Variants in RTRAF observed in about 807,000 individuals in gnomAD.
The protein encoded by RTRAF is tRNA-splicing ligase complex subunit RTRAF.
A neutral mutation model predicts 34.4 loss-of-function variants in RTRAF; 14 were observed. That is an observed-to-expected ratio of 0.41 (90% CI 0.27 to 0.64). RTRAF has a LOEUF of 0.64. Ranked by LOEUF, RTRAF falls within the 30% of genes least tolerant of loss-of-function variation. The pLI is 0.34. For missense variants in RTRAF, 291 were observed against 288.4 expected (o/e 1.01, Z -0.06); for synonymous variants, 96 against 95.3 (o/e 1.01, Z -0.04).
chr14:52,004,775 G>A lies in RTRAF; in HGVS notation c.*259G>A. 2 of 330,012 alleles carry A rather than the reference G, an allele frequency of 6.1e-6. No homozygotes were observed. The highest frequency in any genetic ancestry group is 5.4e-6 in the Non-Finnish European group (1 of 183,578). 20.4% of individuals were successfully genotyped at this position (330,012 alleles called of 1,614,324 possible). ...GGCATATATGCCAACCCCCAGCTTT[G>A]TCCTAGAGACAATATAGATCCTTAA... On this transcript the variant is annotated 3_prime_UTR_variant, in exon 8 of 8. Transcript: ENST00000261700.
chr14:51,992,490 A>G (rs1385812140), intron 2 of RTRAF, among the ~76,000 whole-genome samples: 1 of 152,234 alleles, frequency 6.6e-6, no homozygotes, highest in Non-Finnish European at 1.5e-5. Flanking sequence ...AATTGTTCAC[A>G]GAAGTCCCTG....
chr14:51,992,883 A>G (rs1890454826), intron 2 of RTRAF, among the ~76,000 whole-genome samples: 2 of 152,184 alleles, frequency 1.3e-5, no homozygotes. Flanking sequence ...ACACAAAATT[A>G]GCCAGGTGTG....
chr14:51,991,823 T>G (rs1438812241), intron 2 of RTRAF, among the ~76,000 whole-genome samples: 1 of 152,174 alleles, frequency 6.6e-6, no homozygotes, highest in Admixed American at 6.5e-5. Context: ...TGCCAGCACT[T>G]TGGGAGGCTG....
rs1348606272 is a variant in RTRAF at position 51,999,392 on chromosome 14, G to GT, written c.374-315dup. ...CTGAAAAATTGTAGTTGGAACCACT[G>GT]TAAGTTCAGATTTTCCTCATCTTGC... On this transcript the variant is annotated intron_variant, in intron 4 of 7. Coordinates refer to ENST00000261700, the MANE Select transcript of RTRAF (RefSeq NM_016039.3). The GT allele has an allele frequency of 2.8e-5, 6 of 212,642 alleles. No homozygotes were observed. In the Middle Eastern group the frequency reaches 4.8e-3, roughly 169 times the overall value. The allele number at this position is 212,642 out of a possible 1,614,324, so 13.2% of individuals were successfully genotyped here. A position where few individuals can be genotyped will look rare whatever the true frequency, so the allele number is the denominator to read the frequency against.
intron 5 of RTRAF, among the ~76,000 whole-genome samples, 182 bp from the exon 6 acceptor site, chr14:52,001,616 A>G (rs1890602836): frequency 6.6e-6 from 1 of 152,184 alleles, no homozygotes; most frequent in Non-Finnish European, 1.5e-5. Flanking sequence ...AAAATACTAG[A>G]AGTGTGAAAG....
rs1890735868 is a variant in RTRAF at position 52,005,496 on chromosome 14, C to CA, written c.*980_*981insA. The CA allele has an allele frequency of 2.5e-6, 4 of 1,598,330 alleles. No homozygotes were observed. The highest frequency in any genetic ancestry group is 2.7e-5 in the African/African-American group (2 of 74,026). On this transcript the variant is annotated 3_prime_UTR_variant, in exon 8 of 8. Transcript: ENST00000261700. ...TTTACATTACTGTACTTACTTTCTT[C>CA]CTGTGAGAGAAGAGCAGGGGTGGGA...
chr14:52,001,949 T>A, intron 6 of RTRAF, 83 bp downstream of exon 6: 1 of 1,162,198 alleles, frequency 8.6e-7, no homozygotes, highest in Non-Finnish European at 1.2e-6. Context: ...CATGTATCTG[T>A]TTAAGATATC....
intron 6 of RTRAF, chr14:52,003,890 G>A: frequency 3.2e-6 from 1 of 307,914 alleles, no homozygotes; most frequent in South Asian, 7.6e-5. Flanking sequence ...TTCCATAGCA[G>A]TAATGACAAG....
chr14:51,992,759 G>A (rs569499795), intron 2 of RTRAF, among the ~76,000 whole-genome samples: 74 of 152,288 alleles, frequency 4.9e-4, no homozygotes, highest in African/African-American at 1.3e-3. Flanking sequence ...GGCTGGGCAC[G>A]GTGGCTCATG....
At chr14:52,004,072 C>T in intron 6 of RTRAF, 122 bp from the exon 7 acceptor site, 5 of 823,844 alleles carry the variant, frequency 6.1e-6, no homozygotes, top group Non-Finnish European at 9.9e-6. Context: ...TTCCTAGTTC[C>T]CTTGCCCATG....
chr14:52,006,614 A>G lies in RTRAF; in HGVS notation c.*2098A>G. 1 of 1,613,876 alleles carries G rather than the reference A, an allele frequency of 6.2e-7. No individual in the cohort carries two copies. ...GGTACTTGAGGTTGTTTTGAATGAC[A>G]CGCCGTCCAGTTCCATCAGGTAGTG... On this transcript the variant is annotated 3_prime_UTR_variant, in exon 8 of 8. Coordinates refer to ENST00000261700, the MANE Select transcript of RTRAF (RefSeq NM_016039.3).
chr14:52,005,886 C>A lies in RTRAF; in HGVS notation c.*1370C>A. The A allele has an allele frequency of 6.9e-7, 1 of 1,443,152 alleles. No individual in the cohort carries two copies. The highest frequency in any genetic ancestry group is 1.1e-5 in the South Asian group (1 of 87,344). 89.4% of individuals were successfully genotyped at this position (1,443,152 alleles called of 1,614,324 possible). On this transcript the variant is annotated 3_prime_UTR_variant, in exon 8 of 8. Transcript: ENST00000261700. ...AAGGAAGAGTGAATTCAGGGACAGT[C>A]ATTTACTAGATAAAGAAGTCAGTCA... is the stretch of plus-strand genomic sequence containing the variant.
At chr14:52,003,487 T>C (rs1199337912) in intron 6 of RTRAF, among the ~76,000 whole-genome samples, 4 of 152,142 alleles carry the variant, frequency 2.6e-5, no homozygotes, top group East Asian at 1.9e-4. Context: ...GGTTGTAACA[T>C]TGAAAGATTG....
chr14:51,995,144 T>C (rs1348200760), intron 3 of RTRAF, among the ~76,000 whole-genome samples: 1 of 152,072 alleles, frequency 6.6e-6, no homozygotes, highest in African/African-American at 2.4e-5. Flanking sequence ...GTACCTCTCT[T>C]AGCTTCCAAT....
chr14:52,004,119 C>G, intron 6 of RTRAF, 75 bp from the exon 7 acceptor site: 2 of 1,291,502 alleles, frequency 1.5e-6, no homozygotes, highest in South Asian at 2.5e-5. Flanking sequence ...TAGCTAGGTG[C>G]TTTTCAGTTT....
Position 52,009,662 on chromosome 14 carries a change from C to T in RTRAF, c.*5146C>T, listed in dbSNP as rs924986608. ...GACATGGCCAAAGTTTCATTGCCTA[C>T]AAGATGGCAGCTCTCCCCAGTTTTC... On this transcript the variant is annotated 3_prime_UTR_variant, in exon 8 of 8. Transcript: ENST00000261700. 3 of 152,170 alleles carry T rather than the reference C, an allele frequency of 2.0e-5. No homozygotes were observed. Among genetic ancestry groups the T allele is most frequent in the Admixed American group, 6.5e-5 (1 of 15,278 alleles). 9.4% of individuals were successfully genotyped at this position (152,170 alleles called of 1,614,324 possible).
Position 52,008,082 on chromosome 14 carries a change from C to T in RTRAF, c.*3566C>T. 2 of 814,802 alleles carry T rather than the reference C, an allele frequency of 2.5e-6. No individual in the cohort carries two copies. Among genetic ancestry groups the T allele is most frequent in the Non-Finnish European group, 3.8e-6 (2 of 526,300 alleles). 50.5% of individuals were successfully genotyped at this position (814,802 alleles called of 1,614,324 possible). ...CATGTATTATAGCCTTAAGCAATCCCCTTGAGTTTGGGCTGCATTAGTAGT... is the reference window on the plus strand; with the variant it reads ...CATGTATTATAGCCTTAAGCAATCCTCTTGAGTTTGGGCTGCATTAGTAGT... On this transcript the variant is annotated 3_prime_UTR_variant, in exon 8 of 8. Transcript: ENST00000261700.
chr14:52,004,739 TTTGTGG>T lies in RTRAF; in HGVS notation c.*226_*231del, dbSNP rs1461823776. ...ATGTTTGCATAAATCACCTTTCTCC[TTTGTGG>T]TTAAGGCATATATGCCAACCCCCAG... On this transcript the variant is annotated 3_prime_UTR_variant, in exon 8 of 8. Coordinates refer to ENST00000261700, the MANE Select transcript of RTRAF (RefSeq NM_016039.3). The T allele has an allele frequency of 4.3e-5, 18 of 423,308 alleles. No individual in the cohort carries two copies. The highest frequency in any genetic ancestry group is 3.7e-4 in the African/African-American group (18 of 48,738). The allele number at this position is 423,308 out of a possible 1,614,324, so 26.2% of individuals were successfully genotyped here. A position where few individuals can be genotyped will look rare whatever the true frequency, so the allele number is the denominator to read the frequency against.
At chr14:51,995,700 G>A (rs1487151937) in intron 3 of RTRAF, among the ~76,000 whole-genome samples, 1 of 151,970 alleles carries the variant, frequency 6.6e-6, no homozygotes, top group East Asian at 1.9e-4. Context: ...CACTGATTTG[G>A]AGCATCAGCC....
Sources: allele counts gnomAD v4.1 joint callset (sites outside exome capture counted in the v4.1 genomes callset), GRCh38; gene constraint gnomAD v4.1.1; transcripts MANE v1.5; gene names NCBI Gene and HGNC (gene_info 2026-07-23, HGNC 2026-07-21).